Variants in GABRB1 observed in about 807,000 individuals in gnomAD.
GABRB1 encodes gamma-aminobutyric acid receptor subunit beta-1.
GABRB1 carries 17 observed loss-of-function variants against 51.6 expected under a neutral mutation model. The ratio of observed to expected loss-of-function variants is 0.33; its 90% CI spans 0.23 to 0.49. The LOEUF is 0.49. Ranked by LOEUF, GABRB1 falls within the 20% of genes least tolerant of loss-of-function variation. The probability of loss-of-function intolerance (pLI) is 0.99; values close to 1 mark genes in which losing one functional copy is unlikely to be tolerated. For synonymous variants in GABRB1, 247 were observed against 218.9 expected (o/e 1.13, Z -1.14); for missense variants, 410 against 600.6 (o/e 0.68, Z 3.32).
At chr4:47,351,093 C>G (rs1270564579) in intron 5 of GABRB1, among the ~76,000 whole-genome samples, 12 of 152,178 alleles carry the variant, frequency 7.9e-5, no homozygotes. Flanking sequence ...CTGGGCTCTG[C>G]AGCCATTTAT....
intron 4 of GABRB1, among the ~76,000 whole-genome samples, chr4:47,204,587 C>G (rs745683082): frequency 1.3e-5 from 2 of 152,140 alleles, no homozygotes; most frequent in Non-Finnish European, 2.9e-5. Context: ...ACAATCCCCA[C>G]GTGTCTTGGA....
At chr4:47,103,741 T>C (rs1333505040) in intron 3 of GABRB1, among the ~76,000 whole-genome samples, 2 of 151,906 alleles carry the variant, frequency 1.3e-5, no homozygotes, top group African/African-American at 4.8e-5. Flanking sequence ...ATAGAAAGTT[T>C]GAATAAATTA....
intron 3 of GABRB1, among the ~76,000 whole-genome samples, chr4:47,063,972 A>G (rs1169784654): frequency 6.6e-6 from 1 of 152,218 alleles, no homozygotes; most frequent in African/African-American, 2.4e-5. Context: ...GAGGTGCAGC[A>G]AACCACCATG....
At chr4:47,320,541 G>A (rs1725042951) in intron 5 of GABRB1, among the ~76,000 whole-genome samples, 8 of 152,082 alleles carry the variant, frequency 5.3e-5, no homozygotes, top group Admixed American at 5.2e-4. Flanking sequence ...AGATTGTTTT[G>A]GGTTCTATCA....
chr4:47,182,544 T>C (rs565033510), intron 4 of GABRB1, among the ~76,000 whole-genome samples: 63 of 152,090 alleles, frequency 4.1e-4, no homozygotes, highest in Non-Finnish European at 7.4e-4. Flanking sequence ...CACAGCATAG[T>C]GAATAGATTT....
chr4:47,398,852 G>T (rs1287865608), intron 5 of GABRB1, among the ~76,000 whole-genome samples: 1 of 151,944 alleles, frequency 6.6e-6, no homozygotes, highest in Non-Finnish European at 1.5e-5. Context: ...GTGCAGTGGC[G>T]CTATCTCGGC....
At chr4:47,078,275 G>A (rs1043972080) in intron 3 of GABRB1, among the ~76,000 whole-genome samples, 1 of 151,836 alleles carries the variant, frequency 6.6e-6, no homozygotes, top group East Asian at 1.9e-4. Flanking sequence ...ATGAGCCATC[G>A]CGCCCGGCCT....
chr4:47,291,874 A>G (rs1723750799), intron 4 of GABRB1, among the ~76,000 whole-genome samples: 1 of 152,180 alleles, frequency 6.6e-6, no homozygotes, highest in Non-Finnish European at 1.5e-5. Context: ...TTACAGGCTC[A>G]TAGGTGGAAG....
At position 47,212,652 on chromosome 4, in the gene GABRB1, C is replaced by T. The variant is rs189723848; in HGVS notation, c.461+51183C>T. ...CGAGATCGTGTTGCTGCACTCCAGC[C>T]TGAGTGACAGAGTGAGACACTGTCT... On this transcript the variant is annotated intron_variant, in intron 4 of 8. Transcript: ENST00000295454. Among the ~76,000 whole-genome samples the T allele has an allele frequency of 7.2e-5, 11 of 152,104 alleles. No individual in the cohort carries two copies. The East Asian group carries it at 1.9e-3, about 27-fold the overall frequency.
At chr4:47,215,704 A>C (rs1006625978) in intron 4 of GABRB1, among the ~76,000 whole-genome samples, 19 of 152,092 alleles carry the variant, frequency 1.2e-4, no homozygotes, top group African/African-American at 3.6e-4. Flanking sequence ...GGCTTTTAAT[A>C]AACTGACAAA....
At chr4:47,157,302 A>G (rs1028549477) in intron 3 of GABRB1, among the ~76,000 whole-genome samples, 1 of 152,112 alleles carries the variant, frequency 6.6e-6, no homozygotes, top group Non-Finnish European at 1.5e-5. Flanking sequence ...TTTCTGAAAA[A>G]TGTCCCATCT....
chr4:47,208,418 A>G (rs1560585911), intron 4 of GABRB1, among the ~76,000 whole-genome samples: 1 of 152,050 alleles, frequency 6.6e-6, no homozygotes. Flanking sequence ...GATAATAGTG[A>G]TAGTTGTATA....
chr4:47,411,660 C>G (rs1270295621), intron 8 of GABRB1, among the ~76,000 whole-genome samples: 1 of 152,164 alleles, frequency 6.6e-6, no homozygotes, highest in Admixed American at 6.5e-5. Flanking sequence ...GTCAATGTCA[C>G]TTTCCTGACT....
In GABRB1 at chr4:47,252,778, A is replaced by G. The variant is rs140220531; in HGVS notation, c.462-67349A>G. Among the ~76,000 whole-genome samples the G allele has an allele frequency of 3.8e-3, 572 of 152,162 alleles. 9 individuals carry two copies. Among genetic ancestry groups the G allele is most frequent in the East Asian group, 3.3e-3 (17 of 5,164 alleles). ...CCAAAGTGGAGGATCTCAGCCTCCT[A>G]AAGTGCTGGGATTACAGGCATGAGC... On this transcript the variant is annotated intron_variant, in intron 4 of 8. Transcript: ENST00000295454.
intron 3 of GABRB1, among the ~76,000 whole-genome samples, chr4:47,061,218 G>T (rs541322585): frequency 1.3e-5 from 2 of 152,130 alleles, no homozygotes; most frequent in African/African-American, 2.4e-5. Flanking sequence ...TGTAAAAAGT[G>T]ACTTTTTTCT....
chr4:47,105,527 G>A (rs1176768723), intron 3 of GABRB1, among the ~76,000 whole-genome samples: 1 of 152,072 alleles, frequency 6.6e-6, no homozygotes, highest in Non-Finnish European at 1.5e-5. Context: ...GATCTCAAAT[G>A]GTTTCACTCA....
intron 3 of GABRB1, among the ~76,000 whole-genome samples, chr4:47,071,046 G>A (rs1727315733): frequency 6.6e-6 from 1 of 152,148 alleles, no homozygotes; most frequent in Admixed American, 6.5e-5. Context: ...ATCTCAGCAA[G>A]AAGCAACACC....
At chr4:47,055,699 C>A (rs766091453) in intron 3 of GABRB1, among the ~76,000 whole-genome samples, 4 of 152,126 alleles carry the variant, frequency 2.6e-5, no homozygotes, top group Non-Finnish European at 4.4e-5. Flanking sequence ...AGCTAGAGAT[C>A]AGGAAACCTT....
intron 3 of GABRB1, among the ~76,000 whole-genome samples, chr4:47,111,883 T>G (rs1251466342): frequency 6.6e-6 from 1 of 152,098 alleles, no homozygotes; most frequent in Non-Finnish European, 1.5e-5. Flanking sequence ...TAATGTATAA[T>G]TTTCTTATGT....
Sources: allele counts gnomAD v4.1 joint callset (sites outside exome capture counted in the v4.1 genomes callset), GRCh38; gene constraint gnomAD v4.1.1; transcripts MANE v1.5; gene names NCBI Gene and HGNC (gene_info 2026-07-23, HGNC 2026-07-21).